The following EML1 variants were observed in gnomAD, a reference collection of about 807,000 sequenced individuals.
EML1 encodes echinoderm microtubule-associated protein-like 1.
In EML1, 27 loss-of-function variants were observed where a neutral mutation model predicts 110.4. That is an observed-to-expected ratio of 0.24 (90% CI 0.18 to 0.34). The LOEUF is 0.34. Ranked by LOEUF, EML1 falls within the 10% of genes least tolerant of loss-of-function variation. EML1 has a pLI of 1.00. For missense variants in EML1, 741 were observed against 1,030.9 expected (o/e 0.72, Z 3.85); for synonymous variants, 344 against 385.8 (o/e 0.89, Z 1.27).
chr14:99,806,831 T>C (rs1338855193), intron 1 of EML1, among the ~76,000 whole-genome samples: 1 of 151,736 alleles, frequency 6.6e-6, no homozygotes, highest in Non-Finnish European at 1.5e-5. Flanking sequence ...GGGAAAAAAT[T>C]TAGAGCTGTT....
In EML1 at chr14:99,936,059, A is replaced by G; in HGVS notation, c.1940A>G (p.Asp647Gly). Residue 647 changes from aspartate to glycine, a missense_variant, in exon 18 of 22, where the codon GAC becomes GGC. By Grantham distance (94) the Asp-to-Gly change is moderately conservative. Coordinates refer to ENST00000262233, the MANE Select transcript of EML1 (RefSeq NM_004434.3). The surrounding 1 kb of genome is among the most constrained non-coding windows in gnomAD (Gnocchi z 5.5). Reference protein sequence around the residue: ...DGNFLAIGSHDNCIYIYGVSD... With the variant: ...DGNFLAIGSHGNCIYIYGVSD... Reference sequence around the variant, plus strand: ...AATTTCTTAGCCATAGGCTCACATGACAACTGCATCTATATATATGGCGTT... The same window carrying G: ...AATTTCTTAGCCATAGGCTCACATGGCAACTGCATCTATATATATGGCGTT... The G allele has an allele frequency of 6.2e-7, 1 of 1,614,166 alleles. No individual in the cohort carries two copies. The highest frequency in any genetic ancestry group is 8.5e-7 in the Non-Finnish European group (1 of 1,180,046).
chr14:99,741,819 T>G (rs10144665), intron 1 of EML1, among the ~76,000 whole-genome samples: 79,959 of 152,046 alleles, frequency 0.53, 23,803 homozygotes, highest in Middle Eastern at 0.68. Context: ...GTGGTGTCCC[T>G]TCCCTGGATT....
chr14:99,911,008 C>T (rs2059937044), intron 12 of EML1, among the ~76,000 whole-genome samples: 3 of 152,180 alleles, frequency 2.0e-5, no homozygotes, highest in Admixed American at 2.0e-4. Context: ...CCCTGCTGCT[C>T]TTGGCTCTAG....
At chr14:99,762,390 C>T (rs757044890) in intron 1 of EML1, among the ~76,000 whole-genome samples, 4 of 152,146 alleles carry the variant, frequency 2.6e-5, no homozygotes, top group Non-Finnish European at 2.9e-5. Context: ...AGAAGCCCCT[C>T]GCACCCTCCT....
chr14:99,825,715 C>T (rs1038766293), intron 1 of EML1, among the ~76,000 whole-genome samples: 6 of 152,170 alleles, frequency 3.9e-5, no homozygotes, highest in African/African-American at 9.7e-5. Flanking sequence ...GAGTTTATTG[C>T]AAGTTTACTG....
Position 99,858,929 on chromosome 14 carries a change from G to A in EML1, c.251-6585G>A, listed in dbSNP as rs150927231. Among the ~76,000 whole-genome samples the A allele has an allele frequency of 3.8e-3, 580 of 152,228 alleles. 2 individuals are homozygous for A. Among genetic ancestry groups the A allele is most frequent in the African/African-American group, 0.014 (563 of 41,536 alleles). On this transcript the variant is annotated intron_variant, in intron 2 of 21. Transcript: ENST00000262233. ...GTAATCATGTTTTTAAGCCTAATGG[G>A]AGTTTTATATATCAAATAGTGCACA...
intron 1 of EML1, chr14:99,774,073 G>A (rs995737568): frequency 6.6e-6 from 1 of 152,472 alleles, no homozygotes; most frequent in South Asian, 2.1e-4. Flanking sequence ...GGGGTACTGG[G>A]ACAAGGGCGG....
chr14:99,791,707 T>C (rs2057675429), upstream of EML1, among the ~76,000 whole-genome samples: 1 of 152,186 alleles, frequency 6.6e-6, no homozygotes, highest in Non-Finnish European at 1.5e-5. Flanking sequence ...CCGCGGCCCC[T>C]GCAGCCCAGT....
At chr14:99,786,257 G>A (rs1265254514) in intron 1 of EML1, among the ~76,000 whole-genome samples, 5 of 152,018 alleles carry the variant, frequency 3.3e-5, no homozygotes, top group African/African-American at 1.2e-4. Flanking sequence ...CCAGACAAGG[G>A]GTCTAGCAAC....
intron 1 of EML1, among the ~76,000 whole-genome samples, chr14:99,796,182 GTC>G (rs1327629814): frequency 7.4e-6 from 1 of 135,584 alleles, no homozygotes; most frequent in East Asian, 2.1e-4. Context: ...GTGAGACCCT[GTC>G]TCAGAGAGAG....
At chr14:99,755,318 C>A (rs1030846664) in intron 1 of EML1, among the ~76,000 whole-genome samples, 3 of 152,216 alleles carry the variant, frequency 2.0e-5, no homozygotes, top group African/African-American at 4.8e-5. Flanking sequence ...GCCGGAGGGG[C>A]CTGAGAGGCG....
At chr14:99,913,086 A>G (rs572719458) in intron 13 of EML1, among the ~76,000 whole-genome samples, 6 of 152,182 alleles carry the variant, frequency 3.9e-5, no homozygotes, top group Non-Finnish European at 8.8e-5. Context: ...AGATTATTCC[A>G]TATGTTTATG....
intron 1 of EML1, among the ~76,000 whole-genome samples, chr14:99,824,931 G>A (rs529813333): frequency 1.3e-5 from 2 of 152,276 alleles, no homozygotes; most frequent in South Asian, 4.2e-4. Context: ...TTCCATCCAT[G>A]TTGCTAAAGA....
At chr14:99,765,142 T>C (rs1162642981) in intron 1 of EML1, among the ~76,000 whole-genome samples, 1 of 152,158 alleles carries the variant, frequency 6.6e-6, no homozygotes, top group Non-Finnish European at 1.5e-5. Flanking sequence ...GGTCTTCTTA[T>C]GTTGCCCAGG....
intron 1 of EML1, among the ~76,000 whole-genome samples, chr14:99,844,955 T>G (rs1205991828): frequency 6.6e-6 from 1 of 152,248 alleles, no homozygotes; most frequent in Non-Finnish European, 1.5e-5. Flanking sequence ...CCAGTTTCTA[T>G]CAAGTCTGAA....
chr14:99,862,906 C>T (rs1019224416), intron 2 of EML1, among the ~76,000 whole-genome samples: 1 of 152,118 alleles, frequency 6.6e-6, no homozygotes, highest in African/African-American at 2.4e-5. Context: ...AGACAGAGCT[C>T]AGAAACATGT....
At chr14:99,774,666 G>A (rs1011233829) in intron 1 of EML1, among the ~76,000 whole-genome samples, 4 of 152,196 alleles carry the variant, frequency 2.6e-5, no homozygotes, top group African/African-American at 4.8e-5. Flanking sequence ...GCTGAGTGAC[G>A]TTTGCACCCT....
At chr14:99,929,594 TG>T (rs1191861732) in intron 17 of EML1, among the ~76,000 whole-genome samples, 18 of 152,220 alleles carry the variant, frequency 1.2e-4, no homozygotes, top group African/African-American at 4.3e-4. Flanking sequence ...CAAAGCAAAA[TG>T]TGATCAGCAG....
intron 3 of EML1, 100 bp from the exon 4 acceptor site, chr14:99,878,385 C>T (rs2139935259): frequency 2.0e-6 from 3 of 1,473,880 alleles, no homozygotes; most frequent in South Asian, 1.4e-5. Flanking sequence ...TTTGAATATC[C>T]ATGTGGAAGT....
Sources: allele counts gnomAD v4.1 joint callset (sites outside exome capture counted in the v4.1 genomes callset), GRCh38; gene constraint gnomAD v4.1.1; non-coding constraint Gnocchi (gnomAD v3.1); transcripts MANE v1.5; gene names NCBI Gene and HGNC (gene_info 2026-07-23, HGNC 2026-07-21).